Variants in MARCHF7 observed in about 807,000 individuals in gnomAD.
MARCHF7 encodes membrane associated ring-CH-type finger 7, also known as E3 ubiquitin-protein ligase MARCHF7.
MARCHF7 carries 20 observed loss-of-function variants against 76.5 expected under a neutral mutation model. That is an observed-to-expected ratio of 0.26 (90% CI 0.18 to 0.38). The LOEUF (loss-of-function observed/expected upper bound fraction) is 0.38, where lower values mean the gene tolerates loss of function less well. Among genes scored for constraint, MARCHF7 ranks in the 10% least tolerant of loss-of-function variants. The pLI, the probability that MARCHF7 is intolerant of heterozygous loss-of-function variation, is 1.00. For synonymous variants in MARCHF7, 295 were observed against 293.0 expected (o/e 1.01, Z -0.07); for missense variants, 797 against 812.9 (o/e 0.98, Z 0.24).
intron 4 of MARCHF7, among the ~76,000 whole-genome samples, chr2:159,734,774 C>G (rs1703249602): frequency 6.7e-6 from 1 of 149,114 alleles, no homozygotes; most frequent in South Asian, 2.1e-4. Flanking sequence ...GAGTTCGAGA[C>G]CAGTCTGGGT....
intron 8 of MARCHF7, among the ~76,000 whole-genome samples, chr2:159,754,440 G>A (rs1003795279): frequency 2.6e-5 from 4 of 152,240 alleles, no homozygotes; most frequent in African/African-American, 9.6e-5. Context: ...GGGTTCCTAA[G>A]CCTGATTAGA....
intron 4 of MARCHF7, among the ~76,000 whole-genome samples, chr2:159,737,221 A>T (rs1241696322): frequency 3.9e-5 from 6 of 152,228 alleles, no homozygotes; most frequent in African/African-American, 7.2e-5. Flanking sequence ...ATACCAAGAG[A>T]GTGAAAAGAC....
intron 3 of MARCHF7, among the ~76,000 whole-genome samples, chr2:159,719,413 CCTGAAAGAAAAA>C (rs150921027): frequency 0.027 from 4,119 of 152,188 alleles, 66 homozygotes; most frequent in South Asian, 0.041. Context: ...CTCCCAATCC[CCTGAAAGAAAAA>C]CAGTAAAATG....
At chr2:159,743,971 G>GTTTTTTTT (rs1412931838) in intron 5 of MARCHF7, among the ~76,000 whole-genome samples, 2 of 108,400 alleles carry the variant, frequency 1.8e-5, no homozygotes, top group African/African-American at 3.2e-5. Context: ...TTTAGTAGGA[G>GTTTTTTTT]TTCTTTTTTT....
Position 159,769,814 on chromosome 2 carries a change from T to A in MARCHF7, c.*2472T>A, listed in dbSNP as rs1574479135. ...AGTTGTATGGGAGTTGAGTGGAAGG[T>A]AGGATTTAAGAGCAGCACTGCCCAA... On this transcript the variant is annotated 3_prime_UTR_variant, in exon 12 of 12. Transcript: ENST00000409175. 1 of 152,170 alleles carries A rather than the reference T, an allele frequency of 6.6e-6. No homozygotes were observed. Among genetic ancestry groups the A allele is most frequent in the South Asian group, 2.1e-4 (1 of 4,832 alleles). The allele number at this position is 152,170 out of a possible 1,614,324, so 9.4% of individuals were successfully genotyped here.
chr2:159,726,331 C>G (rs1193111432), intron 3 of MARCHF7, among the ~76,000 whole-genome samples: 3 of 152,144 alleles, frequency 2.0e-5, no homozygotes, highest in Non-Finnish European at 4.4e-5. Context: ...GGCACGATCT[C>G]TGCTCACTGC....
At chr2:159,760,956 A>G (rs1706978308) in intron 9 of MARCHF7, among the ~76,000 whole-genome samples, 2 of 151,828 alleles carry the variant, frequency 1.3e-5, no homozygotes, top group South Asian at 4.1e-4. Context: ...ACTGATTTTA[A>G]GTGATTAGTT....
intron 3 of MARCHF7, among the ~76,000 whole-genome samples, chr2:159,727,129 T>G (rs1362262729): frequency 6.6e-6 from 1 of 152,146 alleles, no homozygotes; most frequent in Non-Finnish European, 1.5e-5. Flanking sequence ...TATTCAGCCT[T>G]AAAAAAGGAA....
chr2:159,736,700 A>G (rs566668613), intron 4 of MARCHF7, among the ~76,000 whole-genome samples: 1 of 152,346 alleles, frequency 6.6e-6, no homozygotes, highest in East Asian at 1.9e-4. Flanking sequence ...CTTCCAGTAA[A>G]CCTCTTGTTG....
intron 8 of MARCHF7, among the ~76,000 whole-genome samples, chr2:159,756,485 A>C (rs1490720890): frequency 6.6e-6 from 1 of 151,890 alleles, no homozygotes; most frequent in East Asian, 1.9e-4. Context: ...TCAGGAGTTC[A>C]AGACCAGCCT....
At chr2:159,737,654 G>A (rs1703619111) in intron 4 of MARCHF7, among the ~76,000 whole-genome samples, 1 of 152,250 alleles carries the variant, frequency 6.6e-6, no homozygotes, top group African/African-American at 2.4e-5. Context: ...TGTGCATGGT[G>A]TCGCATGCCT....
chr2:159,716,267 T>TA (rs1156318873), intron 3 of MARCHF7, among the ~76,000 whole-genome samples: 2 of 56,726 alleles, frequency 3.5e-5, no homozygotes, highest in Non-Finnish European at 8.9e-5. Flanking sequence ...CAGAAGCAGA[T>TA]TTTTTTTTTT....
At chr2:159,734,018 A>G in intron 4 of MARCHF7, 3 of 1,353,162 alleles carry the variant, frequency 2.2e-6, no homozygotes, top group African/African-American at 2.9e-5. Flanking sequence ...CTGCTATCCC[A>G]TCTTTAAATT....
At position 159,745,816 on chromosome 2, in the gene MARCHF7, A is replaced by G; in HGVS notation, c.393A>G (p.Val131=). 3 of 1,612,618 alleles carry G rather than the reference A, an allele frequency of 1.9e-6. No homozygotes were observed. Among genetic ancestry groups the G allele is most frequent in the South Asian group, 1.1e-5 (1 of 90,920 alleles). The change falls in exon 6 of 12, where the codon GTA becomes GTG. Residue 131 remains valine (V), a synonymous_variant. Coordinates refer to ENST00000409175, the MANE Select transcript of MARCHF7 (RefSeq NM_001282805.2). The part of the protein sequence containing the change: ...HSQVPRSSSM[V]LGSFGTDLMR... Reference sequence around the variant, plus strand: ...AAGTTCCTAGATCTTCATCAATGGTACTTGGATCATTTGGAACAGACTTAA... The same window carrying G: ...AAGTTCCTAGATCTTCATCAATGGTGCTTGGATCATTTGGAACAGACTTAA...
intron 4 of MARCHF7, among the ~76,000 whole-genome samples, chr2:159,731,397 C>T (rs1161561115): frequency 1.3e-5 from 2 of 152,104 alleles, no homozygotes; most frequent in Non-Finnish European, 2.9e-5. Flanking sequence ...TTGACATTCT[C>T]CTTAAGATAT....
intron 3 of MARCHF7, among the ~76,000 whole-genome samples, chr2:159,725,897 G>C (rs1702107724): frequency 6.6e-6 from 1 of 152,192 alleles, no homozygotes; most frequent in Non-Finnish European, 1.5e-5. Flanking sequence ...AAACATTTCA[G>C]ATGACATTCA....
At chr2:159,722,834 A>G (rs990742612) in intron 3 of MARCHF7, among the ~76,000 whole-genome samples, 3 of 152,228 alleles carry the variant, frequency 2.0e-5, no homozygotes, top group Admixed American at 1.3e-4. Flanking sequence ...GTTCCATACA[A>G]TATCAAATTA....
At chr2:159,747,278 A>G (rs1445050243) in intron 6 of MARCHF7, among the ~76,000 whole-genome samples, 1 of 151,764 alleles carries the variant, frequency 6.6e-6, no homozygotes, top group African/African-American at 2.4e-5. Context: ...AACCTGAAAG[A>G]AAAAAAAATT....
chr2:159,719,539 C>T (rs1391044987), intron 3 of MARCHF7, among the ~76,000 whole-genome samples: 3 of 152,210 alleles, frequency 2.0e-5, no homozygotes, highest in African/African-American at 7.2e-5. Flanking sequence ...ATTTCCACGA[C>T]TTTGGGTCCT....
Sources: allele counts gnomAD v4.1 joint callset (sites outside exome capture counted in the v4.1 genomes callset), GRCh38; gene constraint gnomAD v4.1.1; transcripts MANE v1.5; gene names NCBI Gene and HGNC (gene_info 2026-07-23, HGNC 2026-07-21).